TRIOBP: variants seen among roughly 807,000 people sequenced by gnomAD.
The protein encoded by TRIOBP is TRIO and F-actin binding protein, also known as TRIO and F-actin-binding protein.
TRIOBP carries 169 observed loss-of-function variants against 238.8 expected under a neutral mutation model. The observed-to-expected ratio is 0.71, with a 90% CI of 0.62 to 0.80. TRIOBP has a LOEUF of 0.80. Among genes scored for constraint, TRIOBP ranks in the 30% least tolerant of loss-of-function variants. TRIOBP has a pLI of 0.00. For synonymous variants in TRIOBP, 1,150 were observed against 1,274.4 expected (o/e 0.90, Z 2.08); for missense variants, 2,838 against 3,122.6 (o/e 0.91, Z 2.17).
In TRIOBP at chr22:37,734,714, T is replaced by G. The variant is rs538536543; in HGVS notation, c.4378T>G (p.Trp1460Gly). 2.7e-5 allele frequency: 44 copies of G among 1,607,008 alleles called. 1 individual carries two copies. The South Asian group carries it at 4.6e-4, about 17-fold the overall frequency. ...GGGAGGCCTGGGCCCTGGGGGCTGG[T>G]GGGGATGTGGAGAGCCCAGCCTGGG... Reference protein sequence around the residue: ...QEGGLGPGGWWGCGEPSLGAA... With the variant: ...QEGGLGPGGWGGCGEPSLGAA... The change falls in exon 9 of 24, where the codon TGG (tryptophan) becomes GGG (glycine). Residue 1460 changes from tryptophan to glycine, a missense_variant. Physicochemically the swap from Trp to Gly is radical, Grantham distance 184. Around this residue, in one of 5 missense-constraint regions of TRIOBP, gnomAD observed 2,096 missense variants for 2,137.4 expected, o/e 0.98. Transcript: ENST00000644935.
intron 3 of TRIOBP, among the ~76,000 whole-genome samples, 183 bp downstream of exon 3, chr22:37,701,662 C>T (rs928431391): frequency 6.6e-6 from 1 of 152,198 alleles, no homozygotes; most frequent in Admixed American, 6.5e-5. Flanking sequence ...AATCTTCAGT[C>T]ACTTTCCTCC....
chr22:37,758,248 C>T (rs1926051110), intron 16 of TRIOBP, 110 bp downstream of exon 16: 1 of 1,379,430 alleles, frequency 7.2e-7, no homozygotes, highest in Non-Finnish European at 1.0e-6. Context: ...GGGGAGCTCA[C>T]CCCTGATCTG....
At chr22:37,765,932 A>T in intron 18 of TRIOBP, 115 bp downstream of exon 18, 1 of 1,364,714 alleles carries the variant, frequency 7.3e-7, no homozygotes, top group Non-Finnish European at 9.8e-7. Context: ...TCAGTGCCAC[A>T]TTTGGGGTAA....
At chr22:37,743,564 C>T (rs1387239470) in intron 11 of TRIOBP, among the ~76,000 whole-genome samples, 3 of 152,076 alleles carry the variant, frequency 2.0e-5, no homozygotes, top group Admixed American at 2.0e-4. Context: ...AAGATGTAGA[C>T]AAAAAACATT....
At chr22:37,773,250 A>G (rs1926875632) in intron 23 of TRIOBP, among the ~76,000 whole-genome samples, 1 of 151,696 alleles carries the variant, frequency 6.6e-6, no homozygotes, top group African/African-American at 2.4e-5. Flanking sequence ...GAAAGGTCTT[A>G]CTCTGACACC....
chr22:37,724,570 C>T lies in TRIOBP; in HGVS notation c.2014C>T (p.Pro672Ser). 3 of 1,603,540 alleles carry T rather than the reference C, an allele frequency of 1.9e-6. No individual in the cohort carries two copies. The highest frequency in any genetic ancestry group is 2.6e-6 in the Non-Finnish European group (3 of 1,174,006). ...SPNRTIQQEN[P>S]RTSCALRDNP... ...TAACAGAACCATCCAACAAGAGAAC[C>T]CCAGAACATCCTGTGCCCTACGGGA... Residue 672 changes from proline to serine, a missense_variant, in exon 7 of 24, where the codon CCC becomes TCC. Physicochemically the swap from Pro to Ser is moderately conservative, Grantham distance 74. Transcript: ENST00000644935.
chr22:37,701,025 G>A (rs1922616964), intron 2 of TRIOBP, among the ~76,000 whole-genome samples: 1 of 152,194 alleles, frequency 6.6e-6, no homozygotes, highest in African/African-American at 2.4e-5. Context: ...GCCCAGGAGG[G>A]TGTAATGCAG....
chr22:37,713,841 G>T (rs779466081), intron 5 of TRIOBP, among the ~76,000 whole-genome samples: 1 of 152,226 alleles, frequency 6.6e-6, no homozygotes, highest in Non-Finnish European at 1.5e-5. Flanking sequence ...AAGGGAGCAG[G>T]CTGCGGGGGT....
chr22:37,710,535 G>A lies in TRIOBP; in HGVS notation c.223G>A (p.Val75Met). 6.2e-7 allele frequency: 1 copy of A among 1,611,944 alleles called. No homozygotes were observed. The highest frequency in any genetic ancestry group is 8.5e-7 in the Non-Finnish European group (1 of 1,179,870). Residue 75 changes from valine (V) to methionine (M), a missense_variant, in exon 4 of 24, where the codon GTG (valine) becomes ATG (methionine). Coordinates refer to ENST00000644935, the MANE Select transcript of TRIOBP (RefSeq NM_001039141.3). ...CTCAACCTCCGGCTGCCAGTCTGTG[G>A]TGGACCCAGGCCTCAGGCCAGGGCC... is the stretch of plus-strand genomic sequence containing the variant. ...SASTSGCQSVVDPGLRPGPKR... is the reference protein window; with the variant it reads ...SASTSGCQSVMDPGLRPGPKR...
chr22:37,706,857 T>G (rs1187186321), intron 3 of TRIOBP, among the ~76,000 whole-genome samples: 1 of 151,982 alleles, frequency 6.6e-6, no homozygotes, highest in African/African-American at 2.4e-5. Context: ...TGATCAAGGC[T>G]GTGAAACTCT....
chr22:37,712,627 G>A (rs944977862), intron 4 of TRIOBP, among the ~76,000 whole-genome samples: 1 of 151,422 alleles, frequency 6.6e-6, no homozygotes, highest in African/African-American at 2.4e-5. Flanking sequence ...GAGCCACTGC[G>A]CCCGGCCTAA....
At chr22:37,711,081 G>A (rs533784142) in intron 4 of TRIOBP, among the ~76,000 whole-genome samples, 2 of 152,348 alleles carry the variant, frequency 1.3e-5, no homozygotes, top group East Asian at 3.9e-4. Context: ...TTAAGGTCAT[G>A]GTACCTTGGG....
intron 21 of TRIOBP, among the ~76,000 whole-genome samples, chr22:37,770,107 C>T (rs746329301): frequency 6.1e-5 from 9 of 148,516 alleles, no homozygotes; most frequent in African/African-American, 1.2e-4. Flanking sequence ...TGCAGTGGCG[C>T]GATCTCGGCT....
At chr22:37,751,142 T>C (rs1925574301) in intron 11 of TRIOBP, 1 of 431,124 alleles carries the variant, frequency 2.3e-6, no homozygotes, top group Non-Finnish European at 4.8e-6. Flanking sequence ...CCATGGGACA[T>C]GCTGCAGCTG....
At chr22:37,741,660 A>C (rs568024045) in intron 11 of TRIOBP, among the ~76,000 whole-genome samples, 2 of 152,344 alleles carry the variant, frequency 1.3e-5, no homozygotes, top group South Asian at 4.1e-4. Context: ...TGAGTCCAGC[A>C]CTAGGCTGGG....
intron 12 of TRIOBP, 120 bp downstream of exon 12, chr22:37,751,948 G>C: frequency 1.2e-6 from 1 of 852,134 alleles, no homozygotes; most frequent in South Asian, 1.4e-5. Flanking sequence ...GGGGCTGGGA[G>C]GGGTGGAGGC....
chr22:37,770,449 CAA>C (rs551177241), intron 21 of TRIOBP, among the ~76,000 whole-genome samples: 14 of 111,222 alleles, frequency 1.3e-4, no homozygotes, highest in Non-Finnish European at 1.4e-4. Context: ...GACTCCGTCT[CAA>C]AAAAAAAAAA....
rs34869545 is a variant in TRIOBP, at chr22:37,704,659, C to CA, written c.114+3193dup. Among the ~76,000 whole-genome samples the CA allele has an allele frequency of 6.8e-3, 901 of 132,220 alleles. 5 individuals are homozygous for CA. The highest frequency in any genetic ancestry group is 0.021 in the African/African-American group (771 of 35,998). 86.7% of individuals were successfully genotyped at this position (132,220 alleles called of 152,430 possible). A position where few individuals can be genotyped will look rare whatever the true frequency, so the allele number is the denominator to read the frequency against. ...GATAGGGCATTAGGGAAAGTTTCTCCAAAAAAAAAAAAATGACATTTCAGC... is the reference window on the plus strand; with the variant it reads ...GATAGGGCATTAGGGAAAGTTTCTCCAAAAAAAAAAAAAATGACATTTCAGC... On this transcript the variant is annotated intron_variant, in intron 3 of 23. Transcript: ENST00000644935.
At chr22:37,767,972 C>T (rs1428051871) in intron 18 of TRIOBP, 102 bp from the exon 19 acceptor site, 5 of 890,048 alleles carry the variant, frequency 5.6e-6, no homozygotes, top group Non-Finnish European at 9.2e-6. Flanking sequence ...ATGTGGAGTC[C>T]ACATAGTACT....
Sources: allele counts gnomAD v4.1 joint callset (sites outside exome capture counted in the v4.1 genomes callset), GRCh38; gene constraint gnomAD v4.1.1; regional missense constraint gnomAD v4.1.1; transcripts MANE v1.5; gene names NCBI Gene and HGNC (gene_info 2026-07-23, HGNC 2026-07-21).